The following HCN1 variants were observed in gnomAD, a reference collection of about 807,000 sequenced individuals.
The protein encoded by HCN1 is potassium/sodium hyperpolarization-activated cyclic nucleotide-gated channel 1.
A neutral mutation model predicts 78.9 loss-of-function variants in HCN1; 13 were observed. That is an observed-to-expected ratio of 0.16 (90% CI 0.11 to 0.26). The LOEUF (loss-of-function observed/expected upper bound fraction) is 0.26, where lower values mean the gene tolerates loss of function less well. HCN1 is among the 10% of genes least tolerant of loss of function. HCN1 has a pLI of 1.00. For missense variants in HCN1, 810 were observed against 1,154.3 expected (o/e 0.70, Z 4.32); for synonymous variants, 552 against 455.5 (o/e 1.21, Z -2.70).
chr5:45,549,680 C>G (rs927739557), intron 2 of HCN1, among the ~76,000 whole-genome samples: 24 of 152,064 alleles, frequency 1.6e-4, no homozygotes, highest in African/African-American at 5.8e-4. Context: ...TTCTGCACAG[C>G]AAAAGAAACT....
intron 5 of HCN1, among the ~76,000 whole-genome samples, chr5:45,320,206 T>C (rs1034191484): frequency 1.3e-5 from 2 of 151,864 alleles, no homozygotes; most frequent in African/African-American, 2.4e-5. Context: ...GATTTCTATA[T>C]TGACTTTAGA....
intron 1 of HCN1, among the ~76,000 whole-genome samples, chr5:45,681,838 T>C (rs1055835022): frequency 2.0e-5 from 3 of 152,146 alleles, no homozygotes; most frequent in African/African-American, 7.2e-5. Context: ...GCACTGATTC[T>C]AAAGGCAATG....
chr5:45,312,500 C>T (rs528182706), intron 5 of HCN1, among the ~76,000 whole-genome samples: 2 of 152,114 alleles, frequency 1.3e-5, no homozygotes, highest in African/African-American at 2.4e-5. Context: ...ATCTCACTAG[C>T]ACTTGTCAGA....
intron 5 of HCN1, among the ~76,000 whole-genome samples, chr5:45,352,832 A>G (rs984167099): frequency 4.6e-5 from 7 of 152,068 alleles, no homozygotes; most frequent in Non-Finnish European, 4.4e-5. Flanking sequence ...AATGGGGACA[A>G]TATAGACAAT....
chr5:45,650,314 A>T (rs1171777652), intron 1 of HCN1, among the ~76,000 whole-genome samples: 3 of 152,078 alleles, frequency 2.0e-5, no homozygotes, highest in African/African-American at 4.8e-5. Context: ...TAGCTTCGGA[A>T]TTCTATCTTA....
At chr5:45,672,687 G>A (rs1185530478) in intron 1 of HCN1, among the ~76,000 whole-genome samples, 1 of 151,048 alleles carries the variant, frequency 6.6e-6, no homozygotes, top group East Asian at 1.9e-4. Flanking sequence ...TAAAAAATAA[G>A]AAAAAAATGT....
At chr5:45,618,441 G>T (rs1171910882) in intron 2 of HCN1, among the ~76,000 whole-genome samples, 3 of 152,106 alleles carry the variant, frequency 2.0e-5, no homozygotes, top group Non-Finnish European at 4.4e-5. Flanking sequence ...TAAGGAGCTA[G>T]ATTGATTTCT....
At chr5:45,629,193 A>T (rs547446019) in intron 2 of HCN1, among the ~76,000 whole-genome samples, 2 of 152,130 alleles carry the variant, frequency 1.3e-5, no homozygotes, top group South Asian at 4.1e-4. Flanking sequence ...ATCTACAATA[A>T]AAACTGATAG....
chr5:45,455,534 T>C (rs1278443121), intron 3 of HCN1, among the ~76,000 whole-genome samples: 1 of 151,956 alleles, frequency 6.6e-6, no homozygotes, highest in Non-Finnish European at 1.5e-5. Context: ...CAATAGATCA[T>C]TTAAATGAAA....
In HCN1 at chr5:45,347,044, G is replaced by A. The variant is rs973470243; in HGVS notation, c.1377+6056C>T. 3.3e-5 allele frequency among the ~76,000 whole-genome samples: 5 copies of A among 152,222 alleles called. No individual in the cohort carries two copies. The South Asian group carries it at 6.2e-4, about 19-fold the overall frequency. ...TCCCAGCACGCAGCTGGAGATCTGA[G>A]AACAGGCAGACTGCCTCCCCAAGTG... On this transcript the variant is annotated intron_variant, in intron 5 of 7. Coordinates refer to ENST00000303230, the MANE Select transcript of HCN1 (RefSeq NM_021072.4).
At chr5:45,333,034 C>T (rs1352576643) in intron 5 of HCN1, among the ~76,000 whole-genome samples, 2 of 151,600 alleles carry the variant, frequency 1.3e-5, no homozygotes, top group African/African-American at 4.8e-5. Flanking sequence ...CATATGGTAG[C>T]TCAATTTTTA....
chr5:45,368,135 A>T (rs1747272403), intron 4 of HCN1, among the ~76,000 whole-genome samples: 1 of 152,014 alleles, frequency 6.6e-6, no homozygotes, highest in Admixed American at 6.6e-5. Context: ...AATTTATTCT[A>T]ATAGAAGAAG....
At chr5:45,670,186 G>T (rs1299068755) in intron 1 of HCN1, among the ~76,000 whole-genome samples, 1 of 151,478 alleles carries the variant, frequency 6.6e-6, no homozygotes. Flanking sequence ...ACAGACAGAA[G>T]AAAAAGAAGG....
intron 4 of HCN1, among the ~76,000 whole-genome samples, chr5:45,357,051 C>CT (rs1432003433): frequency 2.6e-5 from 4 of 151,914 alleles, no homozygotes; most frequent in African/African-American, 7.2e-5. Flanking sequence ...TTCTAGCCTC[C>CT]TTATCCCACC....
chr5:45,297,921 A>G (rs2111895559), intron 6 of HCN1, among the ~76,000 whole-genome samples: 1 of 152,218 alleles, frequency 6.6e-6, no homozygotes, highest in South Asian at 2.1e-4. Flanking sequence ...ATTCATGATT[A>G]AAGAAAAACT....
intron 1 of HCN1, among the ~76,000 whole-genome samples, chr5:45,691,677 A>G (rs1739915610): frequency 6.6e-6 from 1 of 152,218 alleles, no homozygotes; most frequent in African/African-American, 2.4e-5. Context: ...CAAAGATAAC[A>G]TAACAGTAGG....
chr5:45,634,318 T>C (rs1261858397), intron 2 of HCN1, among the ~76,000 whole-genome samples: 6 of 152,024 alleles, frequency 3.9e-5, no homozygotes, highest in Admixed American at 1.3e-4. Context: ...GCTTAAAGTA[T>C]ATTTCATATC....
At chr5:45,347,941 G>A (rs1746785318) in intron 5 of HCN1, among the ~76,000 whole-genome samples, 1 of 152,178 alleles carries the variant, frequency 6.6e-6, no homozygotes, top group South Asian at 2.1e-4. Flanking sequence ...AAAACACTCT[G>A]CAGGATATTA....
chr5:45,519,500 GA>G (rs751387837), intron 2 of HCN1, among the ~76,000 whole-genome samples: 1 of 151,730 alleles, frequency 6.6e-6, no homozygotes, highest in Non-Finnish European at 1.5e-5. Context: ...AATATTTTGA[GA>G]AAAAAACAAT....
Sources: allele counts gnomAD v4.1 joint callset (sites outside exome capture counted in the v4.1 genomes callset), GRCh38; gene constraint gnomAD v4.1.1; transcripts MANE v1.5; gene names NCBI Gene and HGNC (gene_info 2026-07-23, HGNC 2026-07-21).